The following KLF12 variants were observed in gnomAD, a reference collection of about 807,000 sequenced individuals.
KLF12 encodes the protein KLF transcription factor 12, also known as Krueppel-like factor 12.
In KLF12, 9 loss-of-function variants were observed where a neutral mutation model predicts 37.8. The observed-to-expected ratio is 0.24, with a 90% CI of 0.14 to 0.42. The LOEUF (loss-of-function observed/expected upper bound fraction) is 0.42. KLF12 is among the 10% of genes least tolerant of loss of function. The pLI is 1.00. For missense variants in KLF12, 411 were observed against 516.0 expected (o/e 0.80, Z 1.97); for synonymous variants, 208 against 202.1 (o/e 1.03, Z -0.25).
At chr13:73,809,709 T>C (rs1882828196) in intron 5 of KLF12, among the ~76,000 whole-genome samples, 1 of 152,196 alleles carries the variant, frequency 6.6e-6, no homozygotes, top group African/African-American at 2.4e-5. Context: ...AACATTCTTT[T>C]TGTTTCATTG....
rs143941724 is a variant in KLF12 at position 73,869,006 on chromosome 13, C to T, written c.124-22633G>A. ...ATGGGTAGTGACTAGGATGAGACAT[C>T]AATGGGCATATAAATTATTATTTCT... is the stretch of plus-strand genomic sequence containing the variant. On this transcript the variant is annotated intron_variant, in intron 3 of 7. Coordinates refer to ENST00000377669, the MANE Select transcript of KLF12 (RefSeq NM_007249.5). Among the ~76,000 whole-genome samples, 300 of 152,226 alleles carry T rather than the reference C, an allele frequency of 2.0e-3. 1 individual carries two copies. The highest frequency in any genetic ancestry group is 6.7e-3 in the African/African-American group (279 of 41,546).
intron 1 of KLF12, among the ~76,000 whole-genome samples, chr13:74,098,927 C>T (rs1338563815): frequency 4.6e-5 from 7 of 152,132 alleles, no homozygotes; most frequent in Non-Finnish European, 1.5e-5. Context: ...TAGTATGTTA[C>T]ATGTCATGGG....
the KLF12 span, chr13:74,259,580 CCT>C: frequency 6.6e-6 from 1 of 152,186 alleles, no homozygotes; most frequent in East Asian, 1.9e-4. Context: ...CTTGCATGCC[CCT>C]CTTAAGGTTT....
At chr13:74,178,020 A>C in the KLF12 span, among the ~76,000 whole-genome samples, 1 of 152,240 alleles carries the variant, frequency 6.6e-6, no homozygotes, top group Non-Finnish European at 1.5e-5. Context: ...ATTTTCTCAC[A>C]TACAAAAATC....
At chr13:73,784,158 C>G (rs1398047584) in intron 5 of KLF12, among the ~76,000 whole-genome samples, 1 of 152,174 alleles carries the variant, frequency 6.6e-6, no homozygotes, top group Admixed American at 6.5e-5. Context: ...TCTGTTGCTT[C>G]TTTCAGAGCT....
chr13:74,156,881 A>G, the KLF12 span, among the ~76,000 whole-genome samples: 1 of 152,070 alleles, frequency 6.6e-6, no homozygotes, highest in African/African-American at 2.4e-5. Context: ...TCATCAGTTG[A>G]TGGACAGGTT....
At chr13:74,102,307 G>A (rs1489733530) in intron 1 of KLF12, among the ~76,000 whole-genome samples, 2 of 152,064 alleles carry the variant, frequency 1.3e-5, no homozygotes, top group African/African-American at 2.4e-5. Flanking sequence ...AACACTAAGT[G>A]CTTAACTCCT....
At chr13:74,040,127 T>C (rs756612760) in intron 1 of KLF12, among the ~76,000 whole-genome samples, 13 of 152,246 alleles carry the variant, frequency 8.5e-5, no homozygotes, top group Admixed American at 7.2e-4. Context: ...TCAAAACTTA[T>C]CTGTTAATTC....
chr13:74,112,204 C>G (rs201901927), intron 1 of KLF12, among the ~76,000 whole-genome samples: 1 of 149,376 alleles, frequency 6.7e-6, no homozygotes, highest in Non-Finnish European at 1.5e-5. Context: ...GTGTGTGCAT[C>G]TGTGTGTGTG....
At chr13:73,947,316 CG>C (rs998283790) in intron 2 of KLF12, among the ~76,000 whole-genome samples, 3 of 152,078 alleles carry the variant, frequency 2.0e-5, no homozygotes, top group African/African-American at 4.8e-5. Context: ...TCCATGTGCA[CG>C]GGATGAGAAG....
intron 2 of KLF12, among the ~76,000 whole-genome samples, chr13:73,966,825 C>T (rs776227900): frequency 9.9e-5 from 15 of 152,108 alleles, no homozygotes; most frequent in Non-Finnish European, 1.8e-4. Flanking sequence ...GTTAATATTC[C>T]AAAACATGCA....
the KLF12 span, among the ~76,000 whole-genome samples, chr13:74,226,026 A>C: frequency 6.6e-6 from 1 of 152,128 alleles, no homozygotes; most frequent in South Asian, 2.1e-4. Context: ...TTCATGCTCT[A>C]CCCAGGAGTT....
chr13:74,275,488 C>A, the KLF12 span, among the ~76,000 whole-genome samples: 1 of 152,142 alleles, frequency 6.6e-6, no homozygotes, highest in African/African-American at 2.4e-5. Context: ...ATGCAACTTG[C>A]ATAAATTATT....
intron 5 of KLF12, among the ~76,000 whole-genome samples, chr13:73,784,792 G>A (rs1456872401): frequency 3.3e-5 from 5 of 151,752 alleles, no homozygotes; most frequent in South Asian, 2.1e-4. Flanking sequence ...CACCATGCCC[G>A]GCTAGTTTTT....
chr13:73,967,265 T>C (rs932385341), intron 2 of KLF12, among the ~76,000 whole-genome samples: 1 of 152,152 alleles, frequency 6.6e-6, no homozygotes, highest in African/African-American at 2.4e-5. Context: ...TTACCAAAAC[T>C]GAGAAAAATG....
intron 1 of KLF12, among the ~76,000 whole-genome samples, chr13:74,049,579 A>G (rs1234044532): frequency 6.6e-6 from 1 of 152,212 alleles, no homozygotes; most frequent in African/African-American, 2.4e-5. Flanking sequence ...AGAAATTAAA[A>G]ATATGATAGT....
the KLF12 span, among the ~76,000 whole-genome samples, chr13:74,201,484 A>G: frequency 6.6e-6 from 1 of 152,234 alleles, no homozygotes; most frequent in East Asian, 1.9e-4. Flanking sequence ...GCAAATGTAA[A>G]ATTCATGTCT....
chr13:73,771,076 C>T (rs1243356505), intron 5 of KLF12, among the ~76,000 whole-genome samples: 10 of 152,174 alleles, frequency 6.6e-5, no homozygotes, highest in Non-Finnish European at 1.5e-4. Context: ...GTTCTCCTCT[C>T]TCCCTGCTAA....
the KLF12 span, among the ~76,000 whole-genome samples, chr13:74,262,852 C>T: frequency 0.33 from 50,820 of 151,812 alleles, 13,206 homozygotes; most frequent in African/African-American, 0.73. Flanking sequence ...TATGTACACA[C>T]ATATATATAT....
Sources: gnomAD v4.1 joint callset for allele counts (sites outside exome capture counted in the v4.1 genomes callset) on GRCh38, gnomAD v4.1.1 for gene constraint, MANE v1.5 for transcripts, NCBI Gene and HGNC (gene_info 2026-07-23, HGNC 2026-07-21) for gene names.